The following IDE variants were observed in gnomAD, a reference collection of about 807,000 sequenced individuals.
IDE encodes insulin-degrading enzyme.
IDE carries 58 observed loss-of-function variants against 133.2 expected under a neutral mutation model. The observed-to-expected ratio is 0.44, with a 90% CI of 0.35 to 0.54. The LOEUF is 0.54. Among genes scored for constraint, IDE ranks in the 20% least tolerant of loss-of-function variants. IDE has a pLI of 0.00. For missense variants in IDE, 981 were observed against 1,234.0 expected (o/e 0.79, Z 3.07); for synonymous variants, 396 against 421.3 (o/e 0.94, Z 0.73).
At chr10:92,481,866 A>T (rs1225668989) in intron 14 of IDE, among the ~76,000 whole-genome samples, 2 of 152,216 alleles carry the variant, frequency 1.3e-5, no homozygotes, top group Non-Finnish European at 2.9e-5. Context: ...AAAGAAATTC[A>T]TCATCATAGA....
chr10:92,463,610 C>G (rs576473846), intron 21 of IDE, 121 bp downstream of exon 21: 10 of 875,876 alleles, frequency 1.1e-5, no homozygotes, highest in South Asian at 1.7e-5. Flanking sequence ...GCCATCCCCC[C>G]ACCCCAACTC....
intron 22 of IDE, 149 bp downstream of exon 22, chr10:92,461,042 T>A (rs527448640): frequency 5.4e-5 from 27 of 504,294 alleles, no homozygotes; most frequent in African/African-American, 5.3e-4. Context: ...GGTTTCACCA[T>A]GTTGGCCAGG....
chr10:92,475,213 G>A (rs995329640), intron 16 of IDE, among the ~76,000 whole-genome samples: 1 of 152,088 alleles, frequency 6.6e-6, no homozygotes, highest in Non-Finnish European at 1.5e-5. Context: ...CTTCACTATG[G>A]GATATCTTTA....
chr10:92,538,743 G>A (rs17107721), intron 1 of IDE, among the ~76,000 whole-genome samples: 6,447 of 148,152 alleles, frequency 0.044, 167 homozygotes, highest in Middle Eastern at 0.079. Context: ...TAGGGTAGAT[G>A]TAACTTTTGT....
chr10:92,551,513 AG>A (rs1762311786), intron 1 of IDE, among the ~76,000 whole-genome samples: 1 of 148,348 alleles, frequency 6.7e-6, no homozygotes. Context: ...GGTTGCAGTT[AG>A]GCAAGACTGC....
intron 13 of IDE, among the ~76,000 whole-genome samples, chr10:92,484,862 C>T (rs912874791): frequency 1.3e-5 from 2 of 152,052 alleles, no homozygotes; most frequent in African/African-American, 2.4e-5. Context: ...TGAGATCGGC[C>T]TGGGCAACAT....
At chr10:92,491,570 G>A (rs1050924517) in intron 11 of IDE, among the ~76,000 whole-genome samples, 4 of 151,746 alleles carry the variant, frequency 2.6e-5, no homozygotes, top group African/African-American at 9.7e-5. Context: ...CCAAGTAGCT[G>A]GGATTACAGG....
intron 15 of IDE, among the ~76,000 whole-genome samples, chr10:92,478,344 T>A (rs953412126): frequency 2.6e-5 from 4 of 152,208 alleles, no homozygotes; most frequent in African/African-American, 9.6e-5. Context: ...TACTTACGGA[T>A]GTTAATATAC....
intron 19 of IDE, among the ~76,000 whole-genome samples, chr10:92,466,477 T>C (rs545143229): frequency 6.6e-6 from 1 of 151,326 alleles, no homozygotes; most frequent in Admixed American, 6.6e-5. Context: ...CCCCCACACC[T>C]GGCTAATTTT....
intron 13 of IDE, among the ~76,000 whole-genome samples, chr10:92,485,125 C>CTTT (rs34615998): frequency 2.4e-3 from 244 of 100,702 alleles, no homozygotes; most frequent in East Asian, 5.8e-3. Flanking sequence ...TTCTTTCTTT[C>CTTT]TTTTTTTTTT....
chr10:92,562,343 C>T (rs756977623), intron 1 of IDE, among the ~76,000 whole-genome samples: 4 of 152,166 alleles, frequency 2.6e-5, no homozygotes, highest in Middle Eastern at 3.2e-3. Context: ...CTGTAGAAGG[C>T]AACGTTCAGA....
At chr10:92,540,982 T>C (rs1842275753) in intron 1 of IDE, among the ~76,000 whole-genome samples, 1 of 152,168 alleles carries the variant, frequency 6.6e-6, no homozygotes, top group Non-Finnish European at 1.5e-5. Flanking sequence ...GCCATGGATA[T>C]AACTTATTTG....
intron 4 of IDE, among the ~76,000 whole-genome samples, chr10:92,518,119 A>G (rs563116862): frequency 6.6e-6 from 1 of 152,058 alleles, no homozygotes; most frequent in Non-Finnish European, 1.5e-5. Flanking sequence ...CTCTCGTATC[A>G]AGGTGAAATT....
At chr10:92,504,664 T>C (rs1845800085) in intron 11 of IDE, 130 bp downstream of exon 11, 3 of 616,298 alleles carry the variant, frequency 4.9e-6, no homozygotes, top group Non-Finnish European at 8.7e-6. Flanking sequence ...TGCTTCATTA[T>C]ACTATTCTCT....
chr10:92,541,361 G>GCT (rs1298490759), intron 1 of IDE: 1 of 470,072 alleles, frequency 2.1e-6, no homozygotes, highest in Non-Finnish European at 4.4e-6. Context: ...TTCATCAACA[G>GCT]CTTGCCTGTC....
At chr10:92,517,799 C>G (rs1205992785) in intron 4 of IDE, among the ~76,000 whole-genome samples, 2 of 152,026 alleles carry the variant, frequency 1.3e-5, no homozygotes, top group Non-Finnish European at 2.9e-5. Context: ...GCCTATCATC[C>G]CAGCTACTCA....
At position 92,454,508 on chromosome 10, in the gene IDE, T is replaced by C; in HGVS notation, c.2996A>G (p.Lys999Arg). 4.3e-6 allele frequency: 7 copies of C among 1,614,024 alleles called. No individual in the cohort carries two copies. Among genetic ancestry groups the C allele is most frequent in the Non-Finnish European group, 5.9e-6 (7 of 1,179,854 alleles). Residue 999 changes from lysine (K) to arginine (R), a missense_variant, in exon 25 of 25, where the codon AAG becomes AGG. Around this residue, in one of 2 missense-constraint regions of IDE, gnomAD observed 660 missense variants for 894.7 expected, o/e 0.74. Transcript: ENST00000265986. ...AAGGGGAAACAGTGGCAGACCACGC[T>C]TGAATTCGGTCATGTTCTGAATCAC... ...PEVIQNMTEF[K>R]RGLPLFPLVK...
At position 92,458,503 on chromosome 10, in the gene IDE, T is replaced by G. The variant is rs962133980; in HGVS notation, c.2824-2072A>C. Among the ~76,000 whole-genome samples, 97 of 86,238 alleles carry G rather than the reference T, an allele frequency of 1.1e-3. 1 individual carries two copies. Among genetic ancestry groups the G allele is most frequent in the African/African-American group, 2.8e-3 (88 of 31,362 alleles). 56.6% of individuals were successfully genotyped at this position (86,238 alleles called of 152,430 possible). ...AATACTCTCTCTGTTTTTTTTTTTT[T>G]TTTTTTTTTTTTTTTTGAGATGGAG... is the stretch of plus-strand genomic sequence containing the variant. On this transcript the variant is annotated intron_variant, in intron 22 of 24. Transcript: ENST00000265986.
chr10:92,487,399 C>T, intron 12 of IDE, 81 bp from the exon 13 acceptor site: 2 of 1,177,024 alleles, frequency 1.7e-6, no homozygotes, highest in Non-Finnish European at 2.4e-6. Context: ...AATATATGGG[C>T]AAATATTAAG....
Sources: gnomAD v4.1 joint callset for allele counts (sites outside exome capture counted in the v4.1 genomes callset) on GRCh38, gnomAD v4.1.1 for gene constraint, gnomAD v4.1.1 regional missense constraint, MANE v1.5 for transcripts, NCBI Gene and HGNC (gene_info 2026-07-23, HGNC 2026-07-21) for gene names.